Variants in ZNF385C observed in about 807,000 individuals in gnomAD.
The protein encoded by ZNF385C is CTD-2132N18.2.
A neutral mutation model predicts 35.4 loss-of-function variants in ZNF385C; 28 were observed. The observed-to-expected ratio is 0.79, with a 90% CI of 0.59 to 1.08. The LOEUF is 1.08. ZNF385C is among the 50% of genes least tolerant of loss of function. The probability of loss-of-function intolerance (pLI) is 0.00; values close to 1 mark genes in which losing one functional copy is unlikely to be tolerated. For synonymous variants in ZNF385C, 248 were observed against 248.2 expected, an observed-to-expected ratio of 1.00 and a Z score of 0.01; for missense variants, 605 against 595.6, an observed-to-expected ratio of 1.02 and a Z score of -0.16.
chr17:42,037,613 G>A (rs1481177038), intron 3 of ZNF385C, 124 bp downstream of exon 3: 14 of 1,208,280 alleles, frequency 1.2e-5, no homozygotes, highest in Non-Finnish European at 1.6e-5. Context: ...TATCCCCTCT[G>A]GGGGATGTTG....
chr17:42,094,921 T>A (rs2053902022), intron 1 of ZNF385C, among the ~76,000 whole-genome samples: 1 of 152,016 alleles, frequency 6.6e-6, no homozygotes, highest in Admixed American at 6.6e-5. Flanking sequence ...AAGTCACCAA[T>A]AAGGGACAGT....
At position 42,027,185 on chromosome 17, in the gene ZNF385C, C is replaced by T. The variant is rs782236807; in HGVS notation, c.1276-52G>A. ...CAGTCTCCACCCCAGAAAACCCCAC[C>T]CCCTCCCTGGGGCCCATCCTCAAGC... On this transcript the variant is annotated intron_variant, in intron 8 of 8. Coordinates refer to ENST00000692273, the MANE Select transcript of ZNF385C (RefSeq NM_001392013.1). 20 of 1,546,096 alleles carry T rather than the reference C, an allele frequency of 1.3e-5. 2 individuals carry two copies. The South Asian group carries it at 2.1e-4, about 16-fold the overall frequency.
At chr17:42,081,937 C>T (rs995084001) in intron 1 of ZNF385C, among the ~76,000 whole-genome samples, 3 of 152,184 alleles carry the variant, frequency 2.0e-5, no homozygotes, top group African/African-American at 4.8e-5. Flanking sequence ...AGAGCAAGGG[C>T]GAGCTCCAGA....
intron 1 of ZNF385C, among the ~76,000 whole-genome samples, chr17:42,073,401 TCCAGC>T (rs1309896573): frequency 1.3e-5 from 2 of 151,534 alleles, no homozygotes. Flanking sequence ...CCCATTGCAC[TCCAGC>T]CTGGGTAAGA....
In ZNF385C at chr17:42,083,834, T is replaced by G. The variant is rs182259542; in HGVS notation, c.-3+14576A>C. Among the ~76,000 whole-genome samples the G allele has an allele frequency of 3.9e-3, 573 of 146,122 alleles. 2 individuals are homozygous for G. Among genetic ancestry groups the G allele is most frequent in the African/African-American group, 0.014 (548 of 39,860 alleles). On this transcript the variant is annotated intron_variant, in intron 1 of 8. Coordinates refer to ENST00000692273, the MANE Select transcript of ZNF385C (RefSeq NM_001392013.1). The stretch of plus-strand genomic sequence containing the variant: ...CCCAGGTTCAAGCGATTCTCCTGCC[T>G]CAGCCTCCCAAGTAGCTGGGATTAC...
At chr17:42,070,215 G>A (rs1220801048) in intron 1 of ZNF385C, among the ~76,000 whole-genome samples, 8 of 151,202 alleles carry the variant, frequency 5.3e-5, no homozygotes, top group African/African-American at 2.0e-4. Flanking sequence ...CGTGGTGGCA[G>A]GTGCCTGTAG....
At position 42,032,281 on chromosome 17, in the gene ZNF385C, C is replaced by T. The variant is rs111721550; in HGVS notation, c.511-497G>A. 2.0e-4 allele frequency among the ~76,000 whole-genome samples: 30 copies of T among 152,206 alleles called. No homozygotes were observed. In the South Asian group the frequency reaches 3.5e-3, roughly 18 times the overall value. Reference sequence around the variant, plus strand: ...TTCACCATATTAGCCAGGATGGTCTCGATCTCCTGCCTCGTGATCCACCCG... The same window carrying T: ...TTCACCATATTAGCCAGGATGGTCTTGATCTCCTGCCTCGTGATCCACCCG... On this transcript the variant is annotated intron_variant, in intron 4 of 8. Transcript: ENST00000692273.
At chr17:42,088,520 C>CG (rs1192939504) in intron 1 of ZNF385C, among the ~76,000 whole-genome samples, 1 of 152,266 alleles carries the variant, frequency 6.6e-6, no homozygotes, top group African/African-American at 2.4e-5. Flanking sequence ...GCTCCAGCCA[C>CG]GGGACTCGAG....
intron 1 of ZNF385C, among the ~76,000 whole-genome samples, chr17:42,079,799 C>A (rs2053729381): frequency 6.6e-6 from 1 of 152,070 alleles, no homozygotes; most frequent in Admixed American, 6.6e-5. Context: ...TTCCTCACAG[C>A]CTTGCGTTGG....
chr17:42,051,364 G>A (rs1310839442), intron 2 of ZNF385C, among the ~76,000 whole-genome samples: 3 of 152,038 alleles, frequency 2.0e-5, no homozygotes, highest in African/African-American at 7.2e-5. Context: ...CCCTCATCCC[G>A]GTCTGCGTTA....
At chr17:42,051,617 AG>A (rs1194486819) in intron 2 of ZNF385C, among the ~76,000 whole-genome samples, 4 of 152,062 alleles carry the variant, frequency 2.6e-5, no homozygotes, top group Non-Finnish European at 5.9e-5. Flanking sequence ...CCATTCAGAG[AG>A]GGGGCTGGCC....
At chr17:42,043,502 C>G in intron 2 of ZNF385C, 1 of 736,338 alleles carries the variant, frequency 1.4e-6, no homozygotes, top group East Asian at 3.4e-5. Context: ...GGCAGCCCGC[C>G]AGGCTAACAG....
At chr17:42,027,553 G>C in intron 8 of ZNF385C, 65 bp downstream of exon 8, 1 of 461,446 alleles carries the variant, frequency 2.2e-6, no homozygotes, top group South Asian at 2.1e-5. Flanking sequence ...CCCCCCATCT[G>C]GCCCTCCCAG....
Position 42,026,845 on chromosome 17 carries a change from G to C in ZNF385C, c.*52C>G. 1 of 1,503,658 alleles carries C rather than the reference G, an allele frequency of 6.7e-7. No individual in the cohort carries two copies. Among genetic ancestry groups the C allele is most frequent in the Non-Finnish European group, 9.1e-7 (1 of 1,101,538 alleles). The allele number at this position is 1,503,658 out of a possible 1,614,324, so 93.1% of individuals were successfully genotyped here. Reference sequence around the variant, plus strand: ...AGGAAACCAAGGTGTCTCAGGACAGGAGGAGACAAGGAGTGGCTATTGGGA... The same window carrying C: ...AGGAAACCAAGGTGTCTCAGGACAGCAGGAGACAAGGAGTGGCTATTGGGA... On this transcript the variant is annotated 3_prime_UTR_variant, in exon 9 of 9. Coordinates refer to ENST00000692273, the MANE Select transcript of ZNF385C (RefSeq NM_001392013.1).
chr17:42,097,543 C>A (rs1555661063), intron 1 of ZNF385C, among the ~76,000 whole-genome samples: 2 of 152,132 alleles, frequency 1.3e-5, no homozygotes, highest in Non-Finnish European at 2.9e-5. Context: ...GTCCTGACTT[C>A]CCTTTGTTCT....
intron 2 of ZNF385C, among the ~76,000 whole-genome samples, chr17:42,054,185 C>T (rs1436849966): frequency 1.3e-5 from 2 of 152,214 alleles, no homozygotes; most frequent in Non-Finnish European, 2.9e-5. Flanking sequence ...AGAGGATTCC[C>T]TTGCCTGGGG....
At chr17:42,033,503 C>T (rs1463416056) in intron 4 of ZNF385C, among the ~76,000 whole-genome samples, 2 of 152,208 alleles carry the variant, frequency 1.3e-5, no homozygotes, top group Admixed American at 1.3e-4. Flanking sequence ...GTAATCCCAG[C>T]ATGTTGGGAG....
chr17:42,031,529 A>G, intron 5 of ZNF385C, 90 bp downstream of exon 5: 1 of 1,454,600 alleles, frequency 6.9e-7, no homozygotes, highest in South Asian at 1.4e-5. Flanking sequence ...CTCCAACACA[A>G]GCAAAAAGAA....
At chr17:42,075,313 T>C (rs886438218) in intron 1 of ZNF385C, among the ~76,000 whole-genome samples, 3 of 152,104 alleles carry the variant, frequency 2.0e-5, no homozygotes, top group African/African-American at 7.2e-5. Flanking sequence ...AAACCCTGCT[T>C]TGGTTACCCA....
Sources: gnomAD v4.1 joint callset for allele counts (sites outside exome capture counted in the v4.1 genomes callset) on GRCh38, gnomAD v4.1.1 for gene constraint, MANE v1.5 for transcripts, NCBI Gene and HGNC (gene_info 2026-07-23, HGNC 2026-07-21) for gene names.